SLC36A1: variants seen among roughly 807,000 people sequenced by gnomAD.
SLC36A1 encodes the protein proton-coupled amino acid transporter 1.
Under a neutral mutation model 47.5 loss-of-function variants are expected in SLC36A1, and 30 were observed. The ratio of observed to expected loss-of-function variants is 0.63; its 90% CI spans 0.47 to 0.86. The LOEUF is 0.86. SLC36A1 is among the 40% of genes least tolerant of loss of function. The pLI is 0.00. For synonymous variants in SLC36A1, 255 were observed against 249.7 expected, an observed-to-expected ratio of 1.02 and a Z score of -0.20; for missense variants, 517 against 606.0, an observed-to-expected ratio of 0.85 and a Z score of 1.54.
At chr5:151,517,753 CT>C in the SLC36A1 span, 1 of 1,614,172 alleles carries the variant, frequency 6.2e-7, no homozygotes. Context: ...ACCACTGAAC[CT>C]TGTAGCAGTA....
the SLC36A1 span, among the ~76,000 whole-genome samples, chr5:151,399,084 A>ATATATTTT: frequency 5.0e-5 from 3 of 60,068 alleles, no homozygotes; most frequent in East Asian, 3.7e-4. Flanking sequence ...ATATATATAT[A>ATATATTTT]TTTTTTTTTT....
chr5:151,547,103 T>G, the SLC36A1 span, among the ~76,000 whole-genome samples: 4 of 152,224 alleles, frequency 2.6e-5, no homozygotes, highest in African/African-American at 9.7e-5. Flanking sequence ...TAAATATTTT[T>G]AAAGGTAACA....
chr5:151,436,363 C>G (rs1759777801), upstream of SLC36A1, among the ~76,000 whole-genome samples: 1 of 152,088 alleles, frequency 6.6e-6, no homozygotes, highest in Non-Finnish European at 1.5e-5. Flanking sequence ...TTTCTAGCCT[C>G]TACAGTACTG....
chr5:151,386,650 G>C, the SLC36A1 span, among the ~76,000 whole-genome samples: 1 of 152,076 alleles, frequency 6.6e-6, no homozygotes, highest in Non-Finnish European at 1.5e-5. Context: ...CAACAGATGG[G>C]CTTGTGCAAT....
intron 7 of SLC36A1, among the ~76,000 whole-genome samples, chr5:151,468,266 A>AAAATATAT (rs55642458): frequency 6.0e-4 from 38 of 63,806 alleles, no homozygotes; most frequent in African/African-American, 2.0e-3. Context: ...AAAAAAAAAA[A>AAAATATAT]ATATATATAT....
At chr5:151,514,891 C>T in the SLC36A1 span, among the ~76,000 whole-genome samples, 1 of 152,218 alleles carries the variant, frequency 6.6e-6, no homozygotes, top group Non-Finnish European at 1.5e-5. Context: ...TGTTCGTTCA[C>T]CACTATATCA....
chr5:151,359,909 GTTTATCCA>G, the SLC36A1 span, among the ~76,000 whole-genome samples: 1 of 152,122 alleles, frequency 6.6e-6, no homozygotes, highest in South Asian at 2.1e-4. Context: ...GCTGCATTTT[GTTTATCCA>G]TTTACCAGTT....
At chr5:151,390,897 T>G in the SLC36A1 span, among the ~76,000 whole-genome samples, 75,512 of 152,116 alleles carry the variant, frequency 0.5, 20,742 homozygotes, top group African/African-American at 0.75. Flanking sequence ...CAGGCTCTTT[T>G]TTGTTCCCAT....
the SLC36A1 span, chr5:151,553,451 A>G: frequency 6.8e-7 from 1 of 1,459,856 alleles, no homozygotes. Flanking sequence ...CCAAGCAGCC[A>G]GGACAGGAAC....
the SLC36A1 span, chr5:151,554,230 CT>C: frequency 1.2e-6 from 1 of 834,294 alleles, no homozygotes. Context: ...CCCAGTTTCT[CT>C]GGGAGAAGGC....
the SLC36A1 span, among the ~76,000 whole-genome samples, chr5:151,428,639 A>G: frequency 1.3e-5 from 2 of 149,548 alleles, no homozygotes; most frequent in African/African-American, 4.9e-5. Flanking sequence ...TACTCTGCTG[A>G]CTTTTTTTTT....
chr5:151,413,576 T>A, the SLC36A1 span, among the ~76,000 whole-genome samples: 1 of 152,262 alleles, frequency 6.6e-6, no homozygotes, highest in Admixed American at 6.5e-5. Context: ...TTTTATTCCC[T>A]CATTTTACTG....
chr5:151,478,787 A>G (rs979570209), intron 9 of SLC36A1, among the ~76,000 whole-genome samples: 6 of 151,936 alleles, frequency 3.9e-5, no homozygotes, highest in African/African-American at 1.5e-4. Flanking sequence ...TGTTTAGTGT[A>G]TGATTGTCAT....
chr5:151,350,369 A>G, the SLC36A1 span, among the ~76,000 whole-genome samples: 2 of 152,208 alleles, frequency 1.3e-5, no homozygotes, highest in Non-Finnish European at 2.9e-5. Flanking sequence ...TGACCCAGTT[A>G]GTACTAGAGA....
chr5:151,528,687 T>C, the SLC36A1 span, among the ~76,000 whole-genome samples: 6 of 152,250 alleles, frequency 3.9e-5, no homozygotes, highest in South Asian at 1.2e-3. Flanking sequence ...AGGGAGAGAC[T>C]GGAAGGTGGG....
At chr5:151,392,139 G>A in the SLC36A1 span, among the ~76,000 whole-genome samples, 75,482 of 151,896 alleles carry the variant, frequency 0.5, 20,739 homozygotes, top group African/African-American at 0.75. Flanking sequence ...GGGAGGGTGT[G>A]TGTGTCCAAG....
At chr5:151,424,369 A>T in the SLC36A1 span, among the ~76,000 whole-genome samples, 1 of 152,196 alleles carries the variant, frequency 6.6e-6, no homozygotes, top group Non-Finnish European at 1.5e-5. Flanking sequence ...GGTTTTAGGG[A>T]CAAAACTGAT....
At chr5:151,482,341 G>A (rs1758913602) in intron 10 of SLC36A1, among the ~76,000 whole-genome samples, 1 of 152,078 alleles carries the variant, frequency 6.6e-6, no homozygotes, top group Non-Finnish European at 1.5e-5. Flanking sequence ...AAGATAGGAA[G>A]GGTGTCTGAC....
chr5:151,499,398 C>A, the SLC36A1 span, among the ~76,000 whole-genome samples: 1 of 152,202 alleles, frequency 6.6e-6, no homozygotes, highest in Non-Finnish European at 1.5e-5. Flanking sequence ...TGTTTCAAGT[C>A]GTGCAAAGAG....
Sources: gnomAD v4.1 joint callset for allele counts (sites outside exome capture counted in the v4.1 genomes callset) on GRCh38, gnomAD v4.1.1 for gene constraint, MANE v1.5 for transcripts, NCBI Gene and HGNC (gene_info 2026-07-23, HGNC 2026-07-21) for gene names.